The following CHRDL1 variants were observed in gnomAD, a reference collection of about 807,000 sequenced individuals.
The protein encoded by CHRDL1 is chordin like 1.
In CHRDL1, 19 loss-of-function variants were observed where a neutral mutation model predicts 40.9. The observed-to-expected ratio is 0.46, with a 90% CI of 0.32 to 0.68. The LOEUF (loss-of-function observed/expected upper bound fraction) is 0.68. Among genes scored for constraint, CHRDL1 ranks in the 30% least tolerant of loss-of-function variants. The pLI, the probability that CHRDL1 is intolerant of heterozygous loss-of-function variation, is 0.03. For missense variants in CHRDL1, 329 were observed against 352.1 expected, an observed-to-expected ratio of 0.93 and a Z score of 0.53; for synonymous variants, 136 against 123.4, an observed-to-expected ratio of 1.10 and a Z score of -0.68.
intron 4 of CHRDL1, among the ~76,000 whole-genome samples, chrX:110,723,289 A>G (rs2070997604): frequency 9.0e-6 from 1 of 111,278 alleles, no homozygotes; most frequent in Non-Finnish European, 1.9e-5. Flanking sequence ...AACAAGCAAA[A>G]AGAATGAAAT....
intron 6 of CHRDL1, among the ~76,000 whole-genome samples, chrX:110,704,841 C>T (rs1045291664): frequency 9.0e-6 from 1 of 110,921 alleles, no homozygotes; most frequent in African/African-American, 3.3e-5. Context: ...GGTTTCAAGC[C>T]TAATTTAAGT....
At chrX:110,677,913 C>A (rs1197054020) in intron 11 of CHRDL1, among the ~76,000 whole-genome samples, 1 of 111,371 alleles carries the variant, frequency 9.0e-6, no homozygotes, top group Non-Finnish European at 1.9e-5. Flanking sequence ...CGGACCCATT[C>A]CAAACTCGTT....
At chrX:110,728,848 A>C (rs913438986) in intron 4 of CHRDL1, among the ~76,000 whole-genome samples, 1 of 111,912 alleles carries the variant, frequency 8.9e-6, no homozygotes, top group Admixed American at 9.5e-5. Flanking sequence ...TGTATCAAAA[A>C]CAGTGGGCTG....
chrX:110,764,812 G>A (rs1214381230), intron 2 of CHRDL1, among the ~76,000 whole-genome samples: 2 of 110,723 alleles, frequency 1.8e-5, no homozygotes, highest in African/African-American at 6.6e-5. Context: ...TGGCTGCTCT[G>A]GGAGTGTCTG....
intron 6 of CHRDL1, among the ~76,000 whole-genome samples, chrX:110,716,307 C>A (rs79175902): frequency 9.1e-6 from 1 of 110,020 alleles, no homozygotes; most frequent in East Asian, 2.8e-4. Flanking sequence ...GCACCTAATT[C>A]AAATCCTGAC....
chrX:110,736,685 C>T (rs1286546143), intron 4 of CHRDL1, among the ~76,000 whole-genome samples: 1 of 111,549 alleles, frequency 9.0e-6, no homozygotes, highest in Non-Finnish European at 1.9e-5. Flanking sequence ...AGAATCACTG[C>T]ACATGATGAA....
At chrX:110,733,633 C>T (rs944694392) in intron 4 of CHRDL1, among the ~76,000 whole-genome samples, 3 of 111,596 alleles carry the variant, frequency 2.7e-5, no homozygotes, top group Admixed American at 9.5e-5. Flanking sequence ...GCTGGCTGGG[C>T]GCAGTGGCTC....
intron 4 of CHRDL1, among the ~76,000 whole-genome samples, chrX:110,731,627 T>C (rs911543859): frequency 2.7e-5 from 3 of 111,801 alleles, no homozygotes; most frequent in Non-Finnish European, 3.8e-5. Context: ...GAACAAAATA[T>C]GGTATATCCA....
chrX:110,700,226 A>C (rs1211365043), intron 7 of CHRDL1, among the ~76,000 whole-genome samples: 1 of 111,721 alleles, frequency 9.0e-6, no homozygotes, highest in East Asian at 2.8e-4. Context: ...TGTATGACTG[A>C]GAGCCTAAGG....
At chrX:110,705,222 G>A (rs1441210375) in intron 6 of CHRDL1, among the ~76,000 whole-genome samples, 2 of 102,709 alleles carry the variant, frequency 1.9e-5, no homozygotes, top group Non-Finnish European at 3.9e-5. Context: ...TATTTGATGA[G>A]CATTTGCAGA....
intron 10 of CHRDL1, among the ~76,000 whole-genome samples, chrX:110,680,951 A>G (rs2069882884): frequency 8.9e-6 from 1 of 112,035 alleles, no homozygotes; most frequent in African/African-American, 3.2e-5. Context: ...ACCCCAGAAG[A>G]CACATCGTGA....
intron 2 of CHRDL1, among the ~76,000 whole-genome samples, chrX:110,772,894 T>C (rs1291426225): frequency 8.9e-6 from 1 of 112,458 alleles, no homozygotes; most frequent in Non-Finnish European, 1.9e-5. Context: ...ATACTATATA[T>C]AAAAATAAAC....
intron 8 of CHRDL1, among the ~76,000 whole-genome samples, chrX:110,689,424 C>CTATATATCTATATATCTA (rs1186582461): frequency 1.5e-5 from 1 of 67,299 alleles, no homozygotes; most frequent in East Asian, 3.4e-4. Flanking sequence ...CTATATATAT[C>CTATATATCTATATATCTA]TATATATCTA....
At chrX:110,689,624 ATATATC>A (rs375370159) in intron 8 of CHRDL1, among the ~76,000 whole-genome samples, 35 of 34,030 alleles carry the variant, frequency 1.0e-3, no homozygotes, top group Admixed American at 1.3e-3. Flanking sequence ...CTATATATCT[ATATATC>A]TATATATCTA....
chrX:110,711,738 G>A (rs1448702548), intron 6 of CHRDL1, among the ~76,000 whole-genome samples: 3 of 111,809 alleles, frequency 2.7e-5, no homozygotes, highest in Non-Finnish European at 5.6e-5. Context: ...TGAAGATCCC[G>A]GATTCTAGCT....
intron 3 of CHRDL1, among the ~76,000 whole-genome samples, chrX:110,760,324 G>C (rs1681042171): frequency 8.9e-6 from 1 of 112,182 alleles, no homozygotes; most frequent in South Asian, 3.7e-4. Context: ...GCCTGGGTGG[G>C]GCGACTGGGT....
chrX:110,753,641 T>A (rs1436000686), intron 4 of CHRDL1, among the ~76,000 whole-genome samples: 2 of 112,144 alleles, frequency 1.8e-5, no homozygotes, highest in Admixed American at 1.9e-4. Flanking sequence ...AAAAGGCCTG[T>A]CTACTTGATT....
intron 4 of CHRDL1, among the ~76,000 whole-genome samples, chrX:110,727,314 GA>G (rs369295196): frequency 1.4e-4 from 15 of 108,370 alleles, no homozygotes; most frequent in African/African-American, 2.7e-4. Context: ...TGAGGGATGT[GA>G]AAAAAAAAAT....
At chrX:110,763,497 C>T (rs2089602436) in intron 2 of CHRDL1, among the ~76,000 whole-genome samples, 1 of 108,395 alleles carries the variant, frequency 9.2e-6, no homozygotes, top group African/African-American at 3.4e-5. Flanking sequence ...TATATACACA[C>T]ACACATATAT....
Sources: allele counts gnomAD v4.1 joint callset (sites outside exome capture counted in the v4.1 genomes callset), GRCh38; gene constraint gnomAD v4.1.1; transcripts MANE v1.5; gene names NCBI Gene and HGNC (gene_info 2026-07-23, HGNC 2026-07-21).